PRELID2: variants seen among roughly 807,000 people sequenced by gnomAD.
PRELID2 encodes PRELI domain-containing protein 2.
Under a neutral mutation model 28.4 loss-of-function variants are expected in PRELID2, and 25 were observed. The observed-to-expected ratio is 0.88, with a 90% CI of 0.64 to 1.23. PRELID2 has a LOEUF of 1.23. Among genes scored for constraint, PRELID2 ranks in the 50% most tolerant of loss-of-function variants. The pLI, the probability that PRELID2 is intolerant of heterozygous loss-of-function variation, is 0.00. For missense variants in PRELID2, 201 were observed against 214.4 expected (o/e 0.94, Z 0.39); for synonymous variants, 76 against 71.6 (o/e 1.06, Z -0.31).
chr5:145,810,581 C>T (rs1753860268), intron 4 of PRELID2, among the ~76,000 whole-genome samples: 2 of 152,202 alleles, frequency 1.3e-5, no homozygotes, highest in African/African-American at 4.8e-5. Flanking sequence ...GAACATATTT[C>T]TGCAGTGTAA....
rs377387783 is a variant in PRELID2 at position 145,523,157 on chromosome 5, C to T, written n.71-49842G>A. On this transcript the variant is annotated intron_variant and non_coding_transcript_variant, in intron 1 of 2. Coordinates refer to the PRELID2 transcript ENST00000510259. ...ACTGAGTATCACGTGCCCTGGGATA[C>T]GATTTATATGACTCAGAAAGTGGTT... 1.0e-3 allele frequency among the ~76,000 whole-genome samples: 154 copies of T among 152,090 alleles called. 3 individuals are homozygous for T. In the South Asian group the frequency reaches 0.02, roughly 19 times the overall value.
the PRELID2 span, among the ~76,000 whole-genome samples, chr5:145,375,692 A>T: frequency 5.3e-5 from 8 of 152,168 alleles, no homozygotes; most frequent in Non-Finnish European, 1.2e-4. Context: ...GAGTTCCTTC[A>T]GGGAAGGCCT....
At chr5:145,579,942 C>T (rs1044761252) in intron 1 of PRELID2, among the ~76,000 whole-genome samples, 3 of 151,998 alleles carry the variant, frequency 2.0e-5, no homozygotes, top group Non-Finnish European at 4.4e-5. Flanking sequence ...CTGTATACAA[C>T]GAGTATTTGG....
chr5:145,421,158 C>A, the PRELID2 span, among the ~76,000 whole-genome samples: 3 of 151,714 alleles, frequency 2.0e-5, no homozygotes, highest in Non-Finnish European at 2.9e-5. Flanking sequence ...AGGATTTTTG[C>A]ATCAATGTTC....
the PRELID2 span, among the ~76,000 whole-genome samples, chr5:145,303,854 G>T: frequency 6.6e-6 from 1 of 152,144 alleles, no homozygotes; most frequent in Non-Finnish European, 1.5e-5. Flanking sequence ...GAGTCTGTTG[G>T]AAATGACCAT....
chr5:145,347,745 T>C, the PRELID2 span, among the ~76,000 whole-genome samples: 1 of 152,222 alleles, frequency 6.6e-6, no homozygotes, highest in African/African-American at 2.4e-5. Context: ...GAAAATATTC[T>C]GTATGATACT....
chr5:145,415,067 T>A, the PRELID2 span, among the ~76,000 whole-genome samples: 1 of 152,082 alleles, frequency 6.6e-6, no homozygotes, highest in African/African-American at 2.4e-5. Context: ...CAGCACTTCC[T>A]CTAAAATTGA....
chr5:145,359,643 A>G, the PRELID2 span, among the ~76,000 whole-genome samples: 1 of 152,188 alleles, frequency 6.6e-6, no homozygotes, highest in Non-Finnish European at 1.5e-5. Context: ...GGAGCAAGTT[A>G]AAAAGCTGGA....
chr5:145,566,827 G>T (rs1288273736), intron 1 of PRELID2, among the ~76,000 whole-genome samples: 3 of 134,826 alleles, frequency 2.2e-5, no homozygotes, highest in Non-Finnish European at 4.6e-5. Flanking sequence ...GTGAGAGAGT[G>T]AGACTCCATC....
intron 1 of PRELID2, among the ~76,000 whole-genome samples, chr5:145,514,245 T>A (rs1200384792): frequency 6.7e-6 from 1 of 149,024 alleles, no homozygotes; most frequent in Admixed American, 6.8e-5. Flanking sequence ...TTCGGGAGAC[T>A]CATTTCATGT....
At chr5:145,249,016 T>G in the PRELID2 span, among the ~76,000 whole-genome samples, 1 of 152,164 alleles carries the variant, frequency 6.6e-6, no homozygotes, top group Non-Finnish European at 1.5e-5. Context: ...ATGCTGATGT[T>G]CGTTCAGATT....
At chr5:145,243,844 G>T in the PRELID2 span, among the ~76,000 whole-genome samples, 10 of 152,034 alleles carry the variant, frequency 6.6e-5, no homozygotes, top group Non-Finnish European at 1.0e-4. Context: ...GGATCAAAAA[G>T]AAGATCATAC....
At chr5:145,272,285 A>G in the PRELID2 span, among the ~76,000 whole-genome samples, 1 of 152,196 alleles carries the variant, frequency 6.6e-6, no homozygotes. Context: ...TTGATCAGGC[A>G]AGGAAGCCAG....
chr5:145,364,387 A>G, the PRELID2 span, among the ~76,000 whole-genome samples: 1 of 152,034 alleles, frequency 6.6e-6, no homozygotes, highest in African/African-American at 2.4e-5. Flanking sequence ...GCCAGGATAC[A>G]TACTGAAATA....
At chr5:145,409,023 A>G in the PRELID2 span, among the ~76,000 whole-genome samples, 11 of 152,296 alleles carry the variant, frequency 7.2e-5, no homozygotes, top group Middle Eastern at 3.4e-3. Flanking sequence ...CAGATTTCTC[A>G]GCAGAAACCC....
At chr5:145,285,153 T>G in the PRELID2 span, among the ~76,000 whole-genome samples, 1 of 152,154 alleles carries the variant, frequency 6.6e-6, no homozygotes, top group East Asian at 1.9e-4. Context: ...GATTCAACTT[T>G]TTGTCTTCTT....
chr5:145,716,113 A>T (rs1755836002), intron 1 of PRELID2, among the ~76,000 whole-genome samples: 1 of 152,146 alleles, frequency 6.6e-6, no homozygotes, highest in Non-Finnish European at 1.5e-5. Flanking sequence ...ATGTAGCCCA[A>T]GACAACGATT....
intron 1 of PRELID2, among the ~76,000 whole-genome samples, chr5:145,665,531 A>G (rs1324668653): frequency 6.6e-6 from 1 of 151,992 alleles, no homozygotes; most frequent in East Asian, 1.9e-4. Context: ...GTAATTTAAC[A>G]CTCATATCTA....
At position 145,759,577 on chromosome 5, in the gene PRELID2, A is replaced by G. The variant is rs925733560; in HGVS notation, c.*959T>C. Reference sequence around the variant, plus strand: ...CTCAAATCAGTCCAACAATCTCACAAAATTAATTCTATCATCTTGTTTCAC... The same window carrying G: ...CTCAAATCAGTCCAACAATCTCACAGAATTAATTCTATCATCTTGTTTCAC... On this transcript the variant is annotated 3_prime_UTR_variant, in exon 7 of 7. Coordinates refer to ENST00000683046, the MANE Select transcript of PRELID2 (RefSeq NM_205846.3). The G allele has an allele frequency of 6.6e-6, 1 of 152,224 alleles. No individual in the cohort carries two copies. Among genetic ancestry groups the G allele is most frequent in the Non-Finnish European group, 1.5e-5 (1 of 68,034 alleles). The allele number at this position is 152,224 out of a possible 1,614,324, so 9.4% of individuals were successfully genotyped here. A position where few individuals can be genotyped will look rare whatever the true frequency, so the allele number is the denominator to read the frequency against.
Sources: gnomAD v4.1 joint callset for allele counts (sites outside exome capture counted in the v4.1 genomes callset) on GRCh38, gnomAD v4.1.1 for gene constraint, MANE v1.5 for transcripts, NCBI Gene and HGNC (gene_info 2026-07-23, HGNC 2026-07-21) for gene names.